ARMC2: variants seen among roughly 807,000 people sequenced by gnomAD.
The protein encoded by ARMC2 is armadillo repeat-containing protein 2.
ARMC2 carries 67 observed loss-of-function variants against 90.3 expected under a neutral mutation model. The ratio of observed to expected loss-of-function variants is 0.74; its 90% CI spans 0.61 to 0.91. ARMC2 has a LOEUF of 0.91. ARMC2 is among the 40% of genes least tolerant of loss of function. The pLI is 0.00. For missense variants in ARMC2, 920 were observed against 1,030.9 expected, an observed-to-expected ratio of 0.89 and a Z score of 1.47; for synonymous variants, 393 against 393.0, an observed-to-expected ratio of 1.00 and a Z score of 0.00.
chr6:109,021,579 G>A, the ARMC2 span, among the ~76,000 whole-genome samples: 8 of 151,798 alleles, frequency 5.3e-5, no homozygotes, highest in Non-Finnish European at 1.5e-5. Flanking sequence ...CTGGGACTAC[G>A]GATGCCTGCC....
intron 10 of ARMC2, among the ~76,000 whole-genome samples, chr6:108,916,883 T>C (rs1774024079): frequency 1.3e-5 from 2 of 152,202 alleles, no homozygotes; most frequent in African/African-American, 4.8e-5. Flanking sequence ...CTTCTGTCTA[T>C]GTCACAATCA....
At chr6:108,995,534 C>G in the ARMC2 span, among the ~76,000 whole-genome samples, 13 of 152,328 alleles carry the variant, frequency 8.5e-5, no homozygotes, top group Admixed American at 6.5e-4. Context: ...ACTAGTCAAA[C>G]TGGTTATACT....
chr6:108,891,232 A>C (rs904724655), intron 5 of ARMC2, among the ~76,000 whole-genome samples: 1 of 152,220 alleles, frequency 6.6e-6, no homozygotes, highest in African/African-American at 2.4e-5. Context: ...GTGTCATTAT[A>C]GTAGAATGAT....
chr6:108,868,747 G>T (rs1041246497), intron 3 of ARMC2, 77 bp from the exon 4 acceptor site: 1 of 1,406,494 alleles, frequency 7.1e-7, no homozygotes, highest in South Asian at 1.3e-5. Flanking sequence ...TTCTGGAAGG[G>T]TTGTGGCCAG....
Position 108,961,579 on chromosome 6 carries a change from G to A in ARMC2, c.1923G>A (p.Lys641=), listed in dbSNP as rs776854195. The change falls in exon 14 of 18, where the codon AAG becomes AAA. Residue 641 remains lysine (K), a synonymous_variant. Coordinates refer to ENST00000392644, the MANE Select transcript of ARMC2 (RefSeq NM_032131.6). ...VGLLLTTLEY[K]SLDDCEELVI... ...ATCCTTACTTCATTTCAGAATACAA[G>A]TCACTTGATGATTGTGAGGAGCTGG... is the stretch of plus-strand genomic sequence containing the variant. 1 of 1,607,758 alleles carries A rather than the reference G, an allele frequency of 6.2e-7. No homozygotes were observed.
the ARMC2 span, among the ~76,000 whole-genome samples, chr6:109,032,490 C>T: frequency 1.3e-5 from 2 of 150,524 alleles, no homozygotes; most frequent in South Asian, 2.1e-4. Context: ...TGATGGTGCA[C>T]ACCTGTAATC....
chr6:109,008,683 G>C, the ARMC2 span: 3 of 698,032 alleles, frequency 4.3e-6, no homozygotes, highest in Non-Finnish European at 5.3e-6. Context: ...GGTTACATTA[G>C]TAACTTTCAA....
intron 10 of ARMC2, among the ~76,000 whole-genome samples, chr6:108,915,702 T>C (rs1324782371): frequency 6.6e-6 from 1 of 151,952 alleles, no homozygotes; most frequent in Non-Finnish European, 1.5e-5. Context: ...CTGTCTAGAG[T>C]AGAGATTCTG....
At chr6:108,905,016 C>G (rs1379527709) in intron 8 of ARMC2, among the ~76,000 whole-genome samples, 3 of 152,148 alleles carry the variant, frequency 2.0e-5, no homozygotes, top group Non-Finnish European at 2.9e-5. Flanking sequence ...AATGATATCA[C>G]TGTTTGAGGG....
chr6:108,928,030 T>A (rs963224633), intron 10 of ARMC2, 58 bp from the exon 11 acceptor site: 33 of 1,510,312 alleles, frequency 2.2e-5, no homozygotes, highest in Non-Finnish European at 2.8e-5. Flanking sequence ...CTATGCTGTT[T>A]CGTGTGGTTA....
intron 3 of ARMC2, among the ~76,000 whole-genome samples, chr6:108,865,431 G>T (rs550694246): frequency 1.6e-4 from 25 of 152,308 alleles, no homozygotes; most frequent in Non-Finnish European, 3.2e-4. Context: ...TGGCATAAAA[G>T]AAATTGCTGA....
chr6:108,917,545 T>C (rs1327457854), intron 10 of ARMC2, among the ~76,000 whole-genome samples: 2 of 152,160 alleles, frequency 1.3e-5, no homozygotes, highest in Non-Finnish European at 2.9e-5. Flanking sequence ...GTATCATGAA[T>C]AGAAATTAGA....
chr6:108,853,422 A>C (rs1774203961), intron 1 of ARMC2, among the ~76,000 whole-genome samples: 1 of 152,212 alleles, frequency 6.6e-6, no homozygotes, highest in Non-Finnish European at 1.5e-5. Context: ...GGTAGCTGAA[A>C]TAGGTGAAAA....
At chr6:108,973,332 T>G in intron 17 of ARMC2, 25 bp from the exon 18 acceptor site, 1 of 1,585,120 alleles carries the variant, frequency 6.3e-7, no homozygotes. Context: ...TAAATAATGC[T>G]GTAATTTAAA....
chr6:108,936,741 C>G (rs1035799383), intron 11 of ARMC2, among the ~76,000 whole-genome samples, 159 bp from the exon 12 acceptor site: 2 of 152,110 alleles, frequency 1.3e-5, no homozygotes, highest in Non-Finnish European at 1.5e-5. Flanking sequence ...CAGGAAGCCT[C>G]CTTGCAGCTT....
In ARMC2 at chr6:108,887,423, TG is replaced by T. The variant is rs144462084; in HGVS notation, c.672-7043del. Among the ~76,000 whole-genome samples the T allele has an allele frequency of 4.2e-3, 638 of 152,304 alleles. 3 individuals are homozygous for T. Among genetic ancestry groups the T allele is most frequent in the African/African-American group, 0.014 (598 of 41,562 alleles). On this transcript the variant is annotated intron_variant, in intron 5 of 17. Coordinates refer to ENST00000392644, the MANE Select transcript of ARMC2 (RefSeq NM_032131.6). ...TGATTGCAAGAGAAGACTTTGCTTT[TG>T]CTCTTAAACATGTGGGCTGAGGAGA...
chr6:108,926,186 A>G (rs1177203430), intron 10 of ARMC2, among the ~76,000 whole-genome samples: 1 of 152,188 alleles, frequency 6.6e-6, no homozygotes, highest in Non-Finnish European at 1.5e-5. Context: ...GTTGGTGTGC[A>G]GTGACTGGAA....
chr6:108,977,126 A>G (rs574238191), downstream of ARMC2, among the ~76,000 whole-genome samples: 2 of 152,242 alleles, frequency 1.3e-5, no homozygotes, highest in East Asian at 1.9e-4. Flanking sequence ...TCAGTATGAT[A>G]TTGCCTGTGG....
chr6:109,025,154 A>G, the ARMC2 span, among the ~76,000 whole-genome samples: 1 of 152,156 alleles, frequency 6.6e-6, no homozygotes, highest in Non-Finnish European at 1.5e-5. Flanking sequence ...CAAAGCATGA[A>G]CAAGGAAAAA....
Sources: gnomAD v4.1 joint callset for allele counts (sites outside exome capture counted in the v4.1 genomes callset) on GRCh38, gnomAD v4.1.1 for gene constraint, MANE v1.5 for transcripts, NCBI Gene and HGNC (gene_info 2026-07-23, HGNC 2026-07-21) for gene names.